SERF2: variants seen among roughly 807,000 people sequenced by gnomAD.
SERF2 encodes small EDRK-rich factor 2.
Under a neutral mutation model 10.7 loss-of-function variants are expected in SERF2, and 4 were observed. The observed-to-expected ratio is 0.37, with a 90% CI of 0.18 to 0.86. The LOEUF is 0.86. SERF2 is among the 40% of genes least tolerant of loss of function. The probability of loss-of-function intolerance (pLI) is 0.43; values close to 1 mark genes in which losing one functional copy is unlikely to be tolerated. For missense variants in SERF2, 47 were observed against 79.1 expected, an observed-to-expected ratio of 0.59 and a Z score of 1.54; for synonymous variants, 26 against 26.0, an observed-to-expected ratio of 1.00 and a Z score of 0.01.
intron 1 of SERF2, among the ~76,000 whole-genome samples, chr15:43,779,102 T>C (rs2086946038): frequency 6.6e-6 from 1 of 152,210 alleles, no homozygotes; most frequent in African/African-American, 2.4e-5. Flanking sequence ...GGTCATGAGA[T>C]CTATTCAGGA....
chr15:43,781,349 G>T (rs2086962316), intron 1 of SERF2, among the ~76,000 whole-genome samples: 1 of 152,092 alleles, frequency 6.6e-6, no homozygotes, highest in African/African-American at 2.4e-5. Context: ...GAGGTCAGGA[G>T]TTCGAGACCA....
At position 43,780,697 on chromosome 15, in the gene SERF2, A is replaced by T. The variant is rs1373065707; in HGVS notation, c.-527+3195A>T. 2.0e-5 allele frequency among the ~76,000 whole-genome samples: 3 copies of T among 152,134 alleles called. No homozygotes were observed. In the East Asian group the frequency reaches 5.8e-4, roughly 29 times the overall value. On this transcript the variant is annotated intron_variant, in intron 1 of 4. Transcript: ENST00000381359. ...AGGGAAGTTCCAAGGCCCTCAGTGG[A>T]TGCCTGAAACTGCAGATAATACTGA... is the stretch of plus-strand genomic sequence containing the variant.
Position 43,795,643 on chromosome 15 carries a change from C to T in SERF2, c.*1870C>T. ...GGCTCTTGAGGGTTCTTATGGCACT[C>T]CACAGAGATCTACCACTTCTTATGG... On this transcript the variant is annotated 3_prime_UTR_variant, in exon 3 of 3. Transcript: ENST00000249786. The T allele has an allele frequency of 6.2e-7, 1 of 1,611,078 alleles. No individual in the cohort carries two copies. Among genetic ancestry groups the T allele is most frequent in the South Asian group, 1.1e-5 (1 of 90,914 alleles).
chr15:43,786,705 G>C (rs984712645), intron 2 of SERF2, among the ~76,000 whole-genome samples: 1 of 152,148 alleles, frequency 6.6e-6, no homozygotes, highest in Non-Finnish European at 1.5e-5. Context: ...TTACAGTTGA[G>C]GTATCCAGTG....
intron 1 of SERF2, among the ~76,000 whole-genome samples, chr15:43,782,013 C>T (rs937165506): frequency 3.3e-5 from 5 of 151,930 alleles, no homozygotes; most frequent in Admixed American, 2.0e-4. Flanking sequence ...CTCAGCCTCC[C>T]GAGTACCTGG....
chr15:43,791,951 C>A, upstream of SERF2: 1 of 255,608 alleles, frequency 3.9e-6, no homozygotes, highest in Non-Finnish European at 8.0e-6. Flanking sequence ...AAACCCCGCC[C>A]TCTTGTCTAC....
upstream of SERF2, among the ~76,000 whole-genome samples, chr15:43,790,012 C>T (rs761554243): frequency 7.9e-5 from 12 of 151,782 alleles, no homozygotes; most frequent in Non-Finnish European, 1.6e-4. Flanking sequence ...CGTGGTGGCA[C>T]GCACCTGTAG....
In SERF2 at chr15:43,795,244, A is replaced by G; in HGVS notation, c.*1471A>G. On this transcript the variant is annotated 3_prime_UTR_variant, in exon 3 of 3. Transcript: ENST00000249786. Reference sequence around the variant, plus strand: ...TAACCAAAGGCTCTGGTTAGAGAATATGAAGGGCCTTAGCTTTTAGACCTG... The same window carrying G: ...TAACCAAAGGCTCTGGTTAGAGAATGTGAAGGGCCTTAGCTTTTAGACCTG... The G allele has an allele frequency of 1.2e-6, 2 of 1,609,506 alleles. No individual in the cohort carries two copies. The highest frequency in any genetic ancestry group is 1.7e-6 in the Non-Finnish European group (2 of 1,175,838).
At chr15:43,780,624 G>T (rs1455622974) in intron 1 of SERF2, among the ~76,000 whole-genome samples, 1 of 152,068 alleles carries the variant, frequency 6.6e-6, no homozygotes, top group Non-Finnish European at 1.5e-5. Flanking sequence ...CTGTATCTGT[G>T]AATTTGACTA....
chr15:43,782,693 A>G (rs899293035), intron 1 of SERF2, among the ~76,000 whole-genome samples: 6 of 152,082 alleles, frequency 3.9e-5, no homozygotes, highest in African/African-American at 1.4e-4. Context: ...TGTGTCAGAT[A>G]CACTTTTTCC....
In SERF2 at chr15:43,795,071, G is replaced by A. The variant is rs2087173339; in HGVS notation, c.*1298G>A. On this transcript the variant is annotated 3_prime_UTR_variant, in exon 3 of 3. Transcript: ENST00000249786. Reference sequence around the variant, plus strand: ...CGGCGCCTCAAGATAAGGGGCTGGGGTTTCTGGGTGGGGGGCCAACAGAGT... The same window carrying A: ...CGGCGCCTCAAGATAAGGGGCTGGGATTTCTGGGTGGGGGGCCAACAGAGT... 1.9e-6 allele frequency: 3 copies of A among 1,611,090 alleles called. No homozygotes were observed. The African/African-American group carries it at 4.0e-5, about 22-fold the overall frequency.
chr15:43,785,241 G>T (rs1041565386), intron 1 of SERF2, among the ~76,000 whole-genome samples: 2 of 149,834 alleles, frequency 1.3e-5, no homozygotes, highest in African/African-American at 2.5e-5. Flanking sequence ...GCTAATTTTT[G>T]TATTTTTAGT....
upstream of SERF2, among the ~76,000 whole-genome samples, chr15:43,790,425 T>C (rs930627845): frequency 3.9e-5 from 6 of 152,120 alleles, no homozygotes; most frequent in Non-Finnish European, 7.4e-5. Flanking sequence ...AGCTTTTTTC[T>C]CTGTATCTTT....
intron 2 of SERF2, among the ~76,000 whole-genome samples, chr15:43,787,279 G>A (rs11070412): frequency 0.59 from 89,601 of 151,790 alleles, 29,706 homozygotes; most frequent in Non-Finnish European, 0.73. Context: ...GATTACAGGC[G>A]TGAGCCACCA....
chr15:43,792,362 GC>G lies in SERF2; in HGVS notation c.-13del, dbSNP rs771160041. 1 of 1,607,602 alleles carries G rather than the reference GC, an allele frequency of 6.2e-7. No individual in the cohort carries two copies. The highest frequency in any genetic ancestry group is 8.5e-7 in the Non-Finnish European group (1 of 1,174,222). On this transcript the variant is annotated 5_prime_UTR_variant, in exon 1 of 3. Transcript: ENST00000249786. ...GGGGACGTAACGGAGGCAGGTTGGA[GC>G]CGCTGCCGTCGCCATGACCCGTGAG...
Position 43,795,872 on chromosome 15 carries a change from T to C in SERF2, c.*2099T>C, listed in dbSNP as rs1447771584. On this transcript the variant is annotated 3_prime_UTR_variant, in exon 3 of 3. Transcript: ENST00000249786. ...CTGGGTTCAAATTCTAGCTCCAGCA[T>C]ATAAGTGGCTGTGCAGACTTTGGTA... 10 of 825,946 alleles carry C rather than the reference T, an allele frequency of 1.2e-5. No homozygotes were observed. In the East Asian group the frequency reaches 2.7e-4, roughly 22 times the overall value. The allele number at this position is 825,946 out of a possible 1,614,324, so 51.2% of individuals were successfully genotyped here. A position where few individuals can be genotyped will look rare whatever the true frequency, so the allele number is the denominator to read the frequency against.
chr15:43,784,554 C>T (rs925711910), intron 1 of SERF2, among the ~76,000 whole-genome samples: 26 of 152,192 alleles, frequency 1.7e-4, no homozygotes, highest in African/African-American at 4.6e-4. Context: ...CTGCAAGCTC[C>T]GCCTTCCGGG....
At chr15:43,790,885 T>C (rs1567166396), upstream of SERF2, among the ~76,000 whole-genome samples, 1 of 150,504 alleles carries the variant, frequency 6.6e-6, no homozygotes. Context: ...GGCCTCAGCC[T>C]CTCAAGTAGC....
chr15:43,783,636 G>A (rs762483923), intron 1 of SERF2, among the ~76,000 whole-genome samples: 5 of 151,598 alleles, frequency 3.3e-5, no homozygotes, highest in Non-Finnish European at 7.4e-5. Context: ...ATTTTGCCCT[G>A]TTGCCCAGGC....
Sources: gnomAD v4.1 joint callset for allele counts (sites outside exome capture counted in the v4.1 genomes callset) on GRCh38, gnomAD v4.1.1 for gene constraint, MANE v1.5 for transcripts, NCBI Gene and HGNC (gene_info 2026-07-23, HGNC 2026-07-21) for gene names.